Variants in NTRK3 observed in about 807,000 individuals in gnomAD.
NTRK3 encodes neurotrophic receptor tyrosine kinase 3.
Under a neutral mutation model 91.7 loss-of-function variants are expected in NTRK3, and 24 were observed. That is an observed-to-expected ratio of 0.26 (90% CI 0.19 to 0.37). The LOEUF (loss-of-function observed/expected upper bound fraction) is 0.37, where lower values mean the gene tolerates loss of function less well. Ranked by LOEUF, NTRK3 falls within the 10% of genes least tolerant of loss-of-function variation. The pLI, the probability that NTRK3 is intolerant of heterozygous loss-of-function variation, is 1.00. For missense variants in NTRK3, 880 were observed against 1,068.9 expected, an observed-to-expected ratio of 0.82 and a Z score of 2.46; for synonymous variants, 483 against 404.0, an observed-to-expected ratio of 1.20 and a Z score of -2.34.
exon 19 of NTRK3, chr15:87,867,969 T>C (rs925807458): frequency 4.4e-6 from 1 of 229,254 alleles, no homozygotes; most frequent in Non-Finnish European, 8.6e-6. Context: ...AAAGCCTTAA[T>C]TTCATGAGCT....
chr15:87,899,768 G>A (rs1418053660), intron 17 of NTRK3, among the ~76,000 whole-genome samples: 1 of 152,138 alleles, frequency 6.6e-6, no homozygotes, highest in Non-Finnish European at 1.5e-5. Context: ...CATGGGAGAG[G>A]ACATAAAGAA....
chr15:88,203,411 G>A (rs944375468), intron 3 of NTRK3, among the ~76,000 whole-genome samples: 42 of 152,284 alleles, frequency 2.8e-4, no homozygotes, highest in African/African-American at 9.9e-4. Flanking sequence ...GAGTTGCACT[G>A]TTTGAGCTTT....
At chr15:87,949,764 C>T (rs913520619) in intron 14 of NTRK3, among the ~76,000 whole-genome samples, 11 of 152,150 alleles carry the variant, frequency 7.2e-5, no homozygotes, top group South Asian at 4.1e-4. Context: ...TGGCCTTTCC[C>T]GTGGCAAGAG....
At chr15:87,972,504 C>G (rs974830815) in intron 14 of NTRK3, among the ~76,000 whole-genome samples, 1 of 152,184 alleles carries the variant, frequency 6.6e-6, no homozygotes, top group Admixed American at 6.5e-5. Flanking sequence ...CTTGACATTA[C>G]TCTTAGGGTG....
chr15:88,154,123 A>AC (rs1201768919), intron 5 of NTRK3, among the ~76,000 whole-genome samples: 1 of 151,572 alleles, frequency 6.6e-6, no homozygotes, highest in East Asian at 1.9e-4. Context: ...AAAAAAAAAA[A>AC]AAAAAGAACA....
intron 13 of NTRK3, among the ~76,000 whole-genome samples, chr15:88,075,593 C>G (rs1219484105): frequency 2.0e-5 from 3 of 151,852 alleles, no homozygotes; most frequent in Non-Finnish European, 4.4e-5. Context: ...TCCCTTTTTT[C>G]TTTATGTTTG....
intron 14 of NTRK3, among the ~76,000 whole-genome samples, chr15:88,001,513 T>C (rs2076095438): frequency 6.6e-6 from 1 of 152,230 alleles, no homozygotes; most frequent in Admixed American, 6.5e-5. Flanking sequence ...TTAATTTTTG[T>C]ATATGGTATG....
chr15:88,034,285 C>A (rs1195103871), intron 13 of NTRK3, among the ~76,000 whole-genome samples: 1 of 152,204 alleles, frequency 6.6e-6, no homozygotes, highest in Admixed American at 6.5e-5. Context: ...GACCCAATGG[C>A]TTCAAAGAAC....
intron 14 of NTRK3, among the ~76,000 whole-genome samples, chr15:87,959,938 G>A (rs987878720): frequency 6.6e-6 from 1 of 152,300 alleles, no homozygotes; most frequent in Admixed American, 6.5e-5. Flanking sequence ...AGACATGTGG[G>A]AAACTGGAGA....
intron 14 of NTRK3, among the ~76,000 whole-genome samples, chr15:88,006,207 C>T (rs1377833476): frequency 1.3e-5 from 2 of 152,186 alleles, no homozygotes; most frequent in South Asian, 2.1e-4. Context: ...AAATTTTTCC[C>T]ACAACCTCTC....
chr15:88,008,932 C>G (rs564887327), intron 14 of NTRK3, among the ~76,000 whole-genome samples: 2 of 152,332 alleles, frequency 1.3e-5, no homozygotes, highest in Admixed American at 6.5e-5. Context: ...ACCAGCCCCC[C>G]TCGGGCCTAG....
chr15:87,865,567 A>G (rs1400657215), exon 19 of NTRK3: 1 of 216,702 alleles, frequency 4.6e-6, no homozygotes, highest in Admixed American at 5.8e-5. Context: ...TGAACAGGGT[A>G]CCACTTAAAA....
chr15:88,225,634 C>T (rs1459856104), intron 3 of NTRK3, among the ~76,000 whole-genome samples: 1 of 152,096 alleles, frequency 6.6e-6, no homozygotes, highest in Non-Finnish European at 1.5e-5. Flanking sequence ...TCCACAGTTC[C>T]GATTCACAAA....
intron 17 of NTRK3, among the ~76,000 whole-genome samples, chr15:87,920,671 G>T (rs149268757): frequency 1.1e-3 from 162 of 152,278 alleles, no homozygotes; most frequent in African/African-American, 3.8e-3. Flanking sequence ...TCACAAAATA[G>T]GGTTTCTCAG....
chr15:87,869,036 T>C (rs1596035223), exon 19 of NTRK3: 3 of 229,168 alleles, frequency 1.3e-5, no homozygotes, highest in Non-Finnish European at 2.6e-5. Flanking sequence ...ACCATTTCAC[T>C]TTGTGCAGCA....
chr15:87,905,403 A>C (rs1345018065), intron 17 of NTRK3, among the ~76,000 whole-genome samples: 2 of 152,216 alleles, frequency 1.3e-5, no homozygotes, highest in Non-Finnish European at 2.9e-5. Flanking sequence ...TGCTTGAAAC[A>C]TAACCTTATC....
intron 3 of NTRK3, among the ~76,000 whole-genome samples, 181 bp from the exon 4 acceptor site, chr15:88,184,480 G>A (rs1301691294): frequency 6.6e-6 from 1 of 152,226 alleles, no homozygotes; most frequent in Non-Finnish European, 1.5e-5. Flanking sequence ...CACACCGTCT[G>A]CCTGATTGGG....
chr15:87,895,854 G>A (rs769371099), intron 17 of NTRK3, among the ~76,000 whole-genome samples: 6 of 149,526 alleles, frequency 4.0e-5, no homozygotes, highest in South Asian at 2.1e-4. Context: ...TAGGGTACAT[G>A]TGCACAATCC....
chr15:87,945,727 C>T (rs933487943), intron 14 of NTRK3, among the ~76,000 whole-genome samples: 2 of 150,720 alleles, frequency 1.3e-5, no homozygotes, highest in African/African-American at 4.9e-5. Context: ...GCATAAACTG[C>T]TCAGCCCTGC....
Sources: allele counts gnomAD v4.1 joint callset (sites outside exome capture counted in the v4.1 genomes callset), GRCh38; gene constraint gnomAD v4.1.1; transcripts MANE v1.5; gene names NCBI Gene and HGNC (gene_info 2026-07-23, HGNC 2026-07-21).